Variants in AKAP13 observed in about 807,000 individuals in gnomAD.
The protein encoded by AKAP13 is A-kinase anchor protein 13.
In AKAP13, 80 loss-of-function variants were observed where a neutral mutation model predicts 264.5. That is an observed-to-expected ratio of 0.30 (90% CI 0.25 to 0.36). The LOEUF is 0.36. Ranked by LOEUF, AKAP13 falls within the 10% of genes least tolerant of loss-of-function variation. AKAP13 has a pLI of 1.00. For missense variants in AKAP13, 3,712 were observed against 3,435.2 expected (o/e 1.08, Z -2.01); for synonymous variants, 1,380 against 1,250.2 (o/e 1.10, Z -2.19).
At chr15:85,480,622 G>T (rs955798742) in intron 1 of AKAP13, among the ~76,000 whole-genome samples, 3 of 151,790 alleles carry the variant, frequency 2.0e-5, no homozygotes, top group East Asian at 3.9e-4. Flanking sequence ...TGGTGGGGGT[G>T]GGGGGGTTAA....
chr15:85,658,400 C>T (rs2083195273), intron 11 of AKAP13, 137 bp from the exon 12 acceptor site: 3 of 618,728 alleles, frequency 4.8e-6, no homozygotes, highest in Non-Finnish European at 5.4e-6. Context: ...TCTCATTCCA[C>T]ATTCCTTCAT....
intron 8 of AKAP13, among the ~76,000 whole-genome samples, chr15:85,589,975 C>G (rs531340055): frequency 2.6e-5 from 4 of 152,248 alleles, no homozygotes; most frequent in African/African-American, 9.6e-5. Flanking sequence ...TTCCTTGTCT[C>G]TAATCATTCT....
intron 1 of AKAP13, among the ~76,000 whole-genome samples, chr15:85,395,651 A>C (rs1722708288): frequency 6.6e-6 from 1 of 152,212 alleles, no homozygotes; most frequent in Admixed American, 6.5e-5. Context: ...AAGACAAGAT[A>C]GAAGTTTTCT....
intron 3 of AKAP13, among the ~76,000 whole-genome samples, chr15:85,522,353 A>G (rs543322690): frequency 3.3e-5 from 5 of 152,292 alleles, no homozygotes; most frequent in African/African-American, 1.2e-4. Context: ...AAGTAGATAC[A>G]AGGAGACTGC....
At chr15:85,434,063 C>G (rs1219615847) in intron 1 of AKAP13, among the ~76,000 whole-genome samples, 2 of 147,040 alleles carry the variant, frequency 1.4e-5, no homozygotes, top group African/African-American at 5.1e-5. Flanking sequence ...ATCTGAGGTA[C>G]CAGGTTTATC....
At chr15:85,648,990 G>C (rs2082682845) in intron 10 of AKAP13, among the ~76,000 whole-genome samples, 1 of 152,140 alleles carries the variant, frequency 6.6e-6, no homozygotes, top group Admixed American at 6.5e-5. Context: ...TAGTGTTTTT[G>C]CTGTACCAAA....
At chr15:85,729,556 G>T (rs1486951120) in intron 29 of AKAP13, among the ~76,000 whole-genome samples, 1 of 152,148 alleles carries the variant, frequency 6.6e-6, no homozygotes, top group Non-Finnish European at 1.5e-5. Flanking sequence ...GAGGGTTTTT[G>T]ATGGTTTAAT....
Position 85,723,092 on chromosome 15 carries a change from G to C in AKAP13, c.6517G>C (p.Asp2173His). The C allele has an allele frequency of 6.2e-7, 1 of 1,614,044 alleles. No homozygotes were observed. Among genetic ancestry groups the C allele is most frequent in the Non-Finnish European group, 8.5e-7 (1 of 1,179,936 alleles). ...CCAAGACAATGAAGTGGAGCAGGAA[G>C]ATCTAGCACAGTCCTTGAGCCTGGT... ...CTKDNEVEQE[D>H]LAQSLSLVKD... is the part of the protein sequence containing the mutation. The change falls in exon 26 of 37, where the codon GAT becomes CAT. Residue 2173 changes from aspartate (D) to histidine (H), a missense_variant. Coordinates refer to ENST00000394518, the MANE Select transcript of AKAP13 (RefSeq NM_007200.5).
intron 5 of AKAP13, among the ~76,000 whole-genome samples, chr15:85,553,330 C>A (rs535078524): frequency 1.3e-5 from 2 of 152,022 alleles, no homozygotes; most frequent in South Asian, 4.1e-4. Flanking sequence ...TCAGGTGATC[C>A]GCCTGCCTCG....
At chr15:85,648,775 G>A (rs906617514) in intron 10 of AKAP13, among the ~76,000 whole-genome samples, 16 of 152,174 alleles carry the variant, frequency 1.1e-4, no homozygotes, top group Middle Eastern at 3.4e-3. Flanking sequence ...GGAGGTTAAC[G>A]CTGCAGTGAG....
intron 5 of AKAP13, among the ~76,000 whole-genome samples, chr15:85,556,194 CAG>C (rs2078138735): frequency 6.6e-6 from 1 of 152,178 alleles, no homozygotes; most frequent in Non-Finnish European, 1.5e-5. Flanking sequence ...ATACCTGCCT[CAG>C]AGTTTTTGTG....
chr15:85,720,305 C>T (rs2087205141), intron 23 of AKAP13, among the ~76,000 whole-genome samples: 1 of 151,714 alleles, frequency 6.6e-6, no homozygotes, highest in Admixed American at 6.6e-5. Context: ...AAATCTTCAA[C>T]TTTCCCCTCT....
Position 85,718,232 on chromosome 15 carries a change from AC to A in AKAP13, c.6001+74del, listed in dbSNP as rs35804462. On this transcript the variant is annotated intron_variant, in intron 22 of 36. Transcript: ENST00000394518. This position sits in a 1 kb window ranked among gnomAD's most constrained non-coding sequence, Gnocchi z 4.9. ...GCATTTTTAAGCAGTAATTTGTTGG[AC>A]TATGAAAAATCAGTTTTTTAGTATG... 5.4e-3 allele frequency: 8,432 copies of A among 1,559,240 alleles called. 223 individuals are homozygous for A. The African/African-American group carries it at 0.071, about 13-fold the overall frequency.
chr15:85,544,271 A>C lies in AKAP13; in HGVS notation c.662+316A>C. On this transcript the variant is annotated intron_variant, in intron 5 of 36. Transcript: ENST00000394518. ...TCTGTGGAGGTAGCATAACATTACC[A>C]ATGTATACAGTTTATCCTGGTTTAG... The C allele has an allele frequency of 4.5e-6, 2 of 442,000 alleles. 1 individual carries two copies. The highest frequency in any genetic ancestry group is 3.6e-5 in the South Asian group (2 of 54,896). 27.4% of individuals were successfully genotyped at this position (442,000 alleles called of 1,614,324 possible).
At chr15:85,496,749 G>A (rs150766510) in intron 2 of AKAP13, among the ~76,000 whole-genome samples, 6 of 152,292 alleles carry the variant, frequency 3.9e-5, no homozygotes, top group East Asian at 1.9e-4. Flanking sequence ...TGGATTACCT[G>A]CCTTTGCCTT....
intron 17 of AKAP13, among the ~76,000 whole-genome samples, chr15:85,703,157 T>C (rs2151673106): frequency 6.6e-6 from 1 of 152,362 alleles, no homozygotes; most frequent in East Asian, 1.9e-4. Context: ...TAGATTTTAC[T>C]TCTGATTTCA....
intron 5 of AKAP13, among the ~76,000 whole-genome samples, chr15:85,566,027 T>A (rs916035232): frequency 6.6e-6 from 1 of 152,192 alleles, no homozygotes; most frequent in Non-Finnish European, 1.5e-5. Flanking sequence ...ATGGTAACAT[T>A]GGTGCATGGT....
rs777133396 is a variant in AKAP13, at chr15:85,708,048, C to G, written c.5494C>G (p.Arg1832Gly). The G allele has an allele frequency of 1.2e-6, 2 of 1,613,598 alleles. No homozygotes were observed. The highest frequency in any genetic ancestry group is 1.7e-6 in the Non-Finnish European group (2 of 1,179,820). ...CAGTGCTTTTGTCCACAAAGGCTGC[C>G]GAGAAAGTCTAGCCTCCTGTGCAAA... ...NCSAFVHKGC[R>G]ESLASCAKVK... Residue 1832 changes from arginine to glycine, a missense_variant, in exon 18 of 37, where the codon CGA (arginine) becomes GGA (glycine). By Grantham distance (125) the Arg-to-Gly change is moderately radical. Around this residue, in one of 3 missense-constraint regions of AKAP13, gnomAD observed 2,759 missense variants for 2,411.7 expected, o/e 1.14. Coordinates refer to ENST00000394518, the MANE Select transcript of AKAP13 (RefSeq NM_007200.5). This position sits in a 1 kb window ranked among gnomAD's most constrained non-coding sequence, Gnocchi z 4.3.
intron 18 of AKAP13, 128 bp from the exon 19 acceptor site, chr15:85,710,451 A>T (rs886689592): frequency 3.9e-6 from 3 of 766,136 alleles, no homozygotes; most frequent in Non-Finnish European, 6.2e-6. Flanking sequence ...TGGCTGGGAC[A>T]CAGGGTGCTT....
Sources: gnomAD v4.1 joint callset for allele counts (sites outside exome capture counted in the v4.1 genomes callset) on GRCh38, gnomAD v4.1.1 for gene constraint, gnomAD v4.1.1 regional missense constraint, Gnocchi (gnomAD v3.1) non-coding constraint, MANE v1.5 for transcripts, NCBI Gene and HGNC (gene_info 2026-07-23, HGNC 2026-07-21) for gene names.